Variants in PEX5L observed in about 807,000 individuals in gnomAD.
The protein encoded by PEX5L is PEX5-related protein.
In PEX5L, 30 loss-of-function variants were observed where a neutral mutation model predicts 84.0. That is an observed-to-expected ratio of 0.36 (90% CI 0.27 to 0.48). PEX5L has a LOEUF of 0.48. PEX5L is among the 20% of genes least tolerant of loss of function. The pLI is 0.99. For missense variants in PEX5L, 533 were observed against 754.6 expected (o/e 0.71, Z 3.44); for synonymous variants, 270 against 283.1 (o/e 0.95, Z 0.46).
chr3:179,971,817 G>A lies in PEX5L; in HGVS notation c.22-152C>T, dbSNP rs1025094378. 1.0e-4 allele frequency: 77 copies of A among 748,106 alleles called. No homozygotes were observed. In the African/African-American group the frequency reaches 1.3e-3, roughly 12 times the overall value. The allele number at this position is 748,106 out of a possible 1,614,324, so 46.3% of individuals were successfully genotyped here. A position where few individuals can be genotyped will look rare whatever the true frequency, so the allele number is the denominator to read the frequency against. On this transcript the variant is annotated intron_variant, in intron 1 of 14. Transcript: ENST00000467460. ...AAATTGCTCATGTACAACAGCAAAT[G>A]TTTTTATTGTTAAACTGCTGTCTTA...
At chr3:180,027,724 T>C (rs1791097299) in intron 1 of PEX5L, among the ~76,000 whole-genome samples, 1 of 152,188 alleles carries the variant, frequency 6.6e-6, no homozygotes, top group African/African-American at 2.4e-5. Flanking sequence ...TTATAGCAAT[T>C]TCCTTCCTAG....
chr3:179,864,332 T>G (rs576481845), intron 7 of PEX5L, among the ~76,000 whole-genome samples: 1 of 152,118 alleles, frequency 6.6e-6, no homozygotes, highest in African/African-American at 2.4e-5. Context: ...TATATATAGA[T>G]GATGGAATGC....
intron 1 of PEX5L, among the ~76,000 whole-genome samples, chr3:180,002,576 G>C (rs1048120649): frequency 1.3e-5 from 2 of 151,952 alleles, no homozygotes; most frequent in African/African-American, 4.8e-5. Flanking sequence ...CTGTTTATGG[G>C]CAATTTGTGA....
intron 1 of PEX5L, among the ~76,000 whole-genome samples, chr3:179,980,821 C>T (rs1786257700): frequency 6.6e-6 from 1 of 152,020 alleles, no homozygotes. Flanking sequence ...GTCAGGAGTT[C>T]AAGACCACCC....
chr3:179,811,921 A>C (rs773618196), intron 10 of PEX5L, 50 bp from the exon 11 acceptor site: 22 of 1,439,248 alleles, frequency 1.5e-5, no homozygotes, highest in Non-Finnish European at 2.1e-5. Context: ...AGAATTACTC[A>C]TGTGCTTCAG....
intron 1 of PEX5L, among the ~76,000 whole-genome samples, chr3:180,000,239 T>C (rs1423745694): frequency 6.6e-6 from 1 of 152,158 alleles, no homozygotes; most frequent in Non-Finnish European, 1.5e-5. Flanking sequence ...TCCTCCTACC[T>C]TTAAGTCAAC....
chr3:179,801,485 G>A lies in PEX5L; in HGVS notation c.*343C>T, dbSNP rs1718833894. ...TTTCCCATGAACAAGTTCCTCAGATGTGTCATCAGCTGCAAGGGGAGACAA... is the reference window on the plus strand; with the variant it reads ...TTTCCCATGAACAAGTTCCTCAGATATGTCATCAGCTGCAAGGGGAGACAA... On this transcript the variant is annotated 3_prime_UTR_variant, in exon 15 of 15. Transcript: ENST00000467460. 4.3e-6 allele frequency: 1 copy of A among 230,094 alleles called. No individual in the cohort carries two copies. Among genetic ancestry groups the A allele is most frequent in the South Asian group, 7.6e-5 (1 of 13,166 alleles). The allele number at this position is 230,094 out of a possible 1,614,324, so 14.3% of individuals were successfully genotyped here.
chr3:179,939,630 A>G (rs976332219), intron 2 of PEX5L, among the ~76,000 whole-genome samples: 4 of 152,292 alleles, frequency 2.6e-5, no homozygotes, highest in African/African-American at 7.2e-5. Flanking sequence ...TAGGCCCCTC[A>G]TTTACAAAGG....
intron 1 of PEX5L, among the ~76,000 whole-genome samples, chr3:180,018,847 G>A (rs1252217887): frequency 2.0e-5 from 3 of 152,042 alleles, no homozygotes; most frequent in African/African-American, 7.3e-5. Flanking sequence ...TAAGGTTGCT[G>A]CAGATTCAAT....
chr3:179,888,763 G>GTTTTGTT (rs72057739), intron 3 of PEX5L, among the ~76,000 whole-genome samples: 4 of 151,358 alleles, frequency 2.6e-5, no homozygotes, highest in African/African-American at 9.7e-5. Context: ...TTTTTGTTTT[G>GTTTTGTT]TTTTGTTTTT....
chr3:179,969,463 C>A (rs559820339), intron 2 of PEX5L, among the ~76,000 whole-genome samples: 1 of 152,092 alleles, frequency 6.6e-6, no homozygotes, highest in East Asian at 1.9e-4. Flanking sequence ...TGTACATATA[C>A]ATACACACAT....
chr3:179,808,329 A>T lies in PEX5L; in HGVS notation c.1461T>A (p.Ser487Arg), dbSNP rs1362959377. 1.2e-6 allele frequency: 2 copies of T among 1,604,662 alleles called. No homozygotes were observed. Among genetic ancestry groups the T allele is most frequent in the South Asian group, 1.1e-5 (1 of 89,196 alleles). ...QTGLGVLFHL[S>R]GEFNRAIDAF... ...CATCTATTGCTCTATTAAATTCTCCACTCAGGTGGAACAGAACCCCTAGAC... is the reference window on the plus strand; with the variant it reads ...CATCTATTGCTCTATTAAATTCTCCTCTCAGGTGGAACAGAACCCCTAGAC... The change falls in exon 13 of 15, where the codon AGT becomes AGA. Residue 487 changes from serine (S) to arginine (R), a missense_variant. This residue lies in a region of PEX5L where 105 missense variants were observed against 204.6 expected (regional missense o/e 0.51). Coordinates refer to ENST00000467460, the MANE Select transcript of PEX5L (RefSeq NM_016559.3).
chr3:179,816,686 T>C (rs1334971487), intron 9 of PEX5L, among the ~76,000 whole-genome samples: 1 of 152,152 alleles, frequency 6.6e-6, no homozygotes, highest in Non-Finnish European at 1.5e-5. Flanking sequence ...TGTATACCTA[T>C]GTAACAAACT....
At chr3:179,817,673 A>G (rs1348387971) in intron 9 of PEX5L, among the ~76,000 whole-genome samples, 2 of 152,230 alleles carry the variant, frequency 1.3e-5, no homozygotes. Flanking sequence ...AGATTGTCAT[A>G]AAATCTTTTA....
chr3:179,922,049 C>T (rs1221179663), intron 2 of PEX5L, among the ~76,000 whole-genome samples: 1 of 151,776 alleles, frequency 6.6e-6, no homozygotes, highest in East Asian at 1.9e-4. Flanking sequence ...CCACCCCCAA[C>T]ACATAATGTA....
In PEX5L at chr3:179,884,954, G is replaced by A. The variant is rs1444782870; in HGVS notation, c.310+2719C>T. Among the ~76,000 whole-genome samples, 16 of 152,090 alleles carry A rather than the reference G, an allele frequency of 1.1e-4. No homozygotes were observed. In the East Asian group the frequency reaches 3.1e-3, roughly 29 times the overall value. On this transcript the variant is annotated intron_variant, in intron 4 of 14. Transcript: ENST00000467460. Reference sequence around the variant, plus strand: ...AATCACTGACCGACCTCCAGAAGAGGTAAATATTTCCTAAATTTTTTTTAT... The same window carrying A: ...AATCACTGACCGACCTCCAGAAGAGATAAATATTTCCTAAATTTTTTTTAT...
intron 7 of PEX5L, among the ~76,000 whole-genome samples, chr3:179,865,470 T>C (rs766697172): frequency 6.6e-6 from 1 of 152,136 alleles, no homozygotes; most frequent in Non-Finnish European, 1.5e-5. Context: ...GAAATACAGA[T>C]TATAACATAT....
chr3:179,947,644 T>A (rs1341194573), intron 2 of PEX5L, among the ~76,000 whole-genome samples: 1 of 151,844 alleles, frequency 6.6e-6, no homozygotes, highest in Non-Finnish European at 1.5e-5. Context: ...AGCATTTTTT[T>A]AACTTTGTAG....
In PEX5L at chr3:179,801,889, A is replaced by G; in HGVS notation, c.1820T>C (p.Phe607Ser). The change falls in exon 15 of 15, where the codon TTC becomes TCC. Residue 607 changes from phenylalanine to serine, a missense_variant. Transcript: ENST00000467460. ...ALSLMDQPEL[F>S]QAANLGDLDV... ...CAGGTCACCAAGATTAGCCGCCTGG[A>G]AGAGTTCTGGTTGGTCCATCAGAGA... The G allele has an allele frequency of 6.2e-7, 1 of 1,614,120 alleles. No homozygotes were observed.
Sources: allele counts gnomAD v4.1 joint callset (sites outside exome capture counted in the v4.1 genomes callset), GRCh38; gene constraint gnomAD v4.1.1; regional missense constraint gnomAD v4.1.1; transcripts MANE v1.5; gene names NCBI Gene and HGNC (gene_info 2026-07-23, HGNC 2026-07-21).